MYPN: variants seen among roughly 807,000 people sequenced by gnomAD.
MYPN encodes the protein myopalladin.
A neutral mutation model predicts 129.4 loss-of-function variants in MYPN; 63 were observed. The observed-to-expected ratio is 0.49, with a 90% CI of 0.40 to 0.60. MYPN has a LOEUF of 0.60. MYPN is among the 20% of genes least tolerant of loss of function. MYPN has a pLI of 0.00. For synonymous variants in MYPN, 629 were observed against 600.9 expected (o/e 1.05, Z -0.68); for missense variants, 1,596 against 1,635.4 (o/e 0.98, Z 0.42).
upstream of MYPN, chr10:68,106,283 T>C: frequency 2.5e-6 from 1 of 395,772 alleles, no homozygotes; most frequent in South Asian, 1.9e-5. Context: ...GGTTTTGAAC[T>C]TTTAGTTTTT....
At chr10:68,099,022 A>G (rs922646490) in intron 1 of MYPN, among the ~76,000 whole-genome samples, 2 of 152,196 alleles carry the variant, frequency 1.3e-5, no homozygotes, top group African/African-American at 4.8e-5. Context: ...AGACTTAGTA[A>G]AATAATATTG....
chr10:68,112,523 C>T (rs555161808), intron 1 of MYPN, among the ~76,000 whole-genome samples: 1 of 152,266 alleles, frequency 6.6e-6, no homozygotes, highest in Non-Finnish European at 1.5e-5. Flanking sequence ...ATTACTTAAC[C>T]TCTGCCCTTA....
rs117521080 is a variant in MYPN at position 68,120,747 on chromosome 10, G to A, written c.-1-691G>A. On this transcript the variant is annotated intron_variant, in intron 1 of 19. Coordinates refer to ENST00000358913, the MANE Select transcript of MYPN (RefSeq NM_032578.4). Reference sequence around the variant, plus strand: ...CAAGGTAAAGAGGAGAGGGTGGAGAGCAAATCTCTGTGTATGAAAGCACTG... The same window carrying A: ...CAAGGTAAAGAGGAGAGGGTGGAGAACAAATCTCTGTGTATGAAAGCACTG... 5.2e-3 allele frequency among the ~76,000 whole-genome samples: 791 copies of A among 152,214 alleles called. 5 individuals are homozygous for A. The highest frequency in any genetic ancestry group is 8.8e-3 in the Non-Finnish European group (599 of 68,000).
At chr10:68,104,226 A>G (rs761515460), upstream of MYPN, among the ~76,000 whole-genome samples, 21 of 152,174 alleles carry the variant, frequency 1.4e-4, no homozygotes, top group Admixed American at 6.5e-5. Flanking sequence ...GAGTAAGAAC[A>G]CTGAACTTTG....
At chr10:68,114,347 C>CTTTTTTTTTTT (rs200370503) in intron 1 of MYPN, 1 of 135,568 alleles carries the variant, frequency 7.4e-6, no homozygotes. Context: ...TTTTTTTTTT[C>CTTTTTTTTTTT]TTTTTTTTTT....
upstream of MYPN, among the ~76,000 whole-genome samples, chr10:68,105,220 G>T (rs528969429): frequency 6.6e-6 from 1 of 152,240 alleles, no homozygotes; most frequent in South Asian, 2.1e-4. Flanking sequence ...GTGTGACCTT[G>T]GGCAAGTTTT....
chr10:68,201,994 G>A lies in MYPN; in HGVS notation c.3659G>A (p.Ser1220Asn). Residue 1220 changes from serine (S) to asparagine (N), a missense_variant and splice_region_variant, in exon 18 of 20, where the codon AGT becomes AAT. Physicochemically the swap from Ser to Asn is conservative, Grantham distance 46 (BLOSUM62 1). Coordinates refer to ENST00000358913, the MANE Select transcript of MYPN (RefSeq NM_032578.4). ...ATCCCTTGCACCAGAGAGAGGATCA[G>A]GTACAGCAGCCACCACATCCAGAGG... ...ETIPCTRERISMHQDTTGYAC... is the reference protein window; with the variant it reads ...ETIPCTRERINMHQDTTGYAC... The A allele has an allele frequency of 6.2e-7, 1 of 1,614,004 alleles. No homozygotes were observed. The highest frequency in any genetic ancestry group is 8.5e-7 in the Non-Finnish European group (1 of 1,179,980).
chr10:68,158,674 C>A, intron 7 of MYPN, 47 bp downstream of exon 7: 1 of 1,345,914 alleles, frequency 7.4e-7, no homozygotes, highest in African/African-American at 1.5e-5. Context: ...TTTTTATGAA[C>A]TTATTGTACA....
chr10:68,193,563 TCAG>T (rs2043550925), intron 13 of MYPN, among the ~76,000 whole-genome samples: 1 of 152,152 alleles, frequency 6.6e-6, no homozygotes, highest in Non-Finnish European at 1.5e-5. Context: ...ATCACATCAG[TCAG>T]CAGATTTTTT....
At chr10:68,095,774 G>GGA (rs10671403) in intron 1 of MYPN, among the ~76,000 whole-genome samples, 90,887 of 151,866 alleles carry the variant, frequency 0.6, 29,735 homozygotes, top group African/African-American at 0.88. Context: ...GGGAATAGGG[G>GGA]GTTATTGTTT....
intron 3 of MYPN, 58 bp downstream of exon 3, chr10:68,143,173 A>T (rs980681084): frequency 5.9e-6 from 9 of 1,531,044 alleles, no homozygotes; most frequent in African/African-American, 2.8e-5. Context: ...AGTTATAATA[A>T]ATAAATATTT....
At position 68,210,416 on chromosome 10, in the gene MYPN, A is replaced by G. The variant is rs1225365091; in HGVS notation, c.3924A>G (p.Ser1308=). 10 of 1,613,978 alleles carry G rather than the reference A, an allele frequency of 6.2e-6. No homozygotes were observed. Among genetic ancestry groups the G allele is most frequent in the South Asian group, 1.1e-5 (1 of 91,068 alleles). Reference sequence around the variant, plus strand: ...CCATGGAAAGCACGATGGTGTATTCATGCTCTTCTCGGAGTGTAGTGGAGA... The same window carrying G: ...CCATGGAAAGCACGATGGTGTATTCGTGCTCTTCTCGGAGTGTAGTGGAGA... ...FSSMESTMVY[S]CSSRSVVESD... is the part of the protein sequence containing the mutation. Residue 1308 remains serine, a synonymous_variant, in exon 20 of 20, where the codon TCA becomes TCG. Transcript: ENST00000358913.
At chr10:68,142,275 A>G (rs2134063998) in intron 2 of MYPN, among the ~76,000 whole-genome samples, 1 of 152,326 alleles carries the variant, frequency 6.6e-6, no homozygotes, top group African/African-American at 2.4e-5. Flanking sequence ...GCACCTCTAC[A>G]TTTTAAACAT....
At chr10:68,174,733 C>A in intron 11 of MYPN, 77 bp downstream of exon 11, 1 of 1,346,764 alleles carries the variant, frequency 7.4e-7, no homozygotes, top group Non-Finnish European at 1.1e-6. Context: ...TGATCTGAAA[C>A]AGGGCTCTCA....
chr10:68,121,165 C>G (rs148457951), intron 1 of MYPN, among the ~76,000 whole-genome samples: 4 of 152,114 alleles, frequency 2.6e-5, no homozygotes. Context: ...GTAGTCCCAG[C>G]TACGTGCAAG....
rs544983484 is a variant in MYPN at position 68,141,080 on chromosome 10, C to A, written c.903-1860C>A. On this transcript the variant is annotated intron_variant, in intron 2 of 19. Coordinates refer to ENST00000358913, the MANE Select transcript of MYPN (RefSeq NM_032578.4). ...TGAGACCCTTCCTCCACCACCCCCC[C>A]AAAAAAAGGGCCAGGCGCAGTGGCT... Among the ~76,000 whole-genome samples, 22 of 151,250 alleles carry A rather than the reference C, an allele frequency of 1.5e-4. No individual in the cohort carries two copies. In the East Asian group the frequency reaches 4.1e-3, roughly 28 times the overall value.
chr10:68,096,242 G>A lies in MYPN; in HGVS notation c.-2+8250G>A, dbSNP rs77334824. On this transcript the variant is annotated intron_variant, in intron 1 of 6. Transcript: ENST00000685154. ...TAATACTTCAGTATTGACTTGCCGTGTAACTCTTAAGTCAATTGTTCTTTC... is the reference window on the plus strand; with the variant it reads ...TAATACTTCAGTATTGACTTGCCGTATAACTCTTAAGTCAATTGTTCTTTC... 2.4e-3 allele frequency among the ~76,000 whole-genome samples: 370 copies of A among 152,272 alleles called. 4 individuals carry two copies. The highest frequency in any genetic ancestry group is 8.7e-3 in the African/African-American group (363 of 41,560).
intron 6 of MYPN, among the ~76,000 whole-genome samples, chr10:68,153,553 G>A (rs185594928): frequency 6.6e-5 from 10 of 152,242 alleles, no homozygotes; most frequent in South Asian, 2.1e-4. Context: ...TCTCAGCCTC[G>A]TCAGGATATG....
At chr10:68,181,353 A>T (rs1236622561) in intron 12 of MYPN, among the ~76,000 whole-genome samples, 1 of 151,880 alleles carries the variant, frequency 6.6e-6, no homozygotes, top group Non-Finnish European at 1.5e-5. Context: ...TTGCAGTGGC[A>T]TGATCTCGGC....
Sources: allele counts gnomAD v4.1 joint callset (sites outside exome capture counted in the v4.1 genomes callset), GRCh38; gene constraint gnomAD v4.1.1; transcripts MANE v1.5; gene names NCBI Gene and HGNC (gene_info 2026-07-23, HGNC 2026-07-21).